The following KATNIP variants were observed in gnomAD, a reference collection of about 807,000 sequenced individuals.
KATNIP encodes the protein katanin interacting protein, also known as katanin-interacting protein.
KATNIP carries 126 observed loss-of-function variants against 174.0 expected under a neutral mutation model. The observed-to-expected ratio is 0.72, with a 90% CI of 0.63 to 0.84. The LOEUF is 0.84. KATNIP is among the 40% of genes least tolerant of loss of function. The pLI is 0.00. For missense variants in KATNIP, 1,958 were observed against 2,109.7 expected (o/e 0.93, Z 1.41); for synonymous variants, 810 against 835.7 (o/e 0.97, Z 0.53).
At chr16:27,731,370 G>A (rs527327462) in intron 14 of KATNIP, among the ~76,000 whole-genome samples, 54 of 152,278 alleles carry the variant, frequency 3.5e-4, no homozygotes, top group African/African-American at 1.3e-3. Flanking sequence ...ATACATTTAG[G>A]TGCAGTACAT....
intron 2 of KATNIP, among the ~76,000 whole-genome samples, chr16:27,616,532 G>A (rs964094070): frequency 2.0e-5 from 3 of 151,864 alleles, no homozygotes; most frequent in African/African-American, 7.3e-5. Context: ...TAAGAGACCA[G>A]CCTGGCCAAC....
chr16:27,634,960 A>T (rs1010143496), intron 5 of KATNIP, among the ~76,000 whole-genome samples: 1 of 152,176 alleles, frequency 6.6e-6, no homozygotes, highest in South Asian at 2.1e-4. Context: ...GTTTTGGAGT[A>T]GGCTGATGTG....
intron 6 of KATNIP, among the ~76,000 whole-genome samples, chr16:27,665,289 G>A (rs538656040): frequency 2.0e-5 from 3 of 151,836 alleles, no homozygotes; most frequent in Non-Finnish European, 2.9e-5. Context: ...ATTTTTAGTA[G>A]AGATGGGGTT....
rs552465434 is a variant in KATNIP at position 27,719,561 on chromosome 16, A to G, written c.1606-1997A>G. Among the ~76,000 whole-genome samples the G allele has an allele frequency of 6.6e-5, 10 of 151,228 alleles. No homozygotes were observed. The South Asian group carries it at 2.1e-3, about 32-fold the overall frequency. ...AAATTTTGTATTTTTTTTTTCTTTT[A>G]GTAGAGACGGGGTTTCACTACGTTG... is the stretch of plus-strand genomic sequence containing the variant. On this transcript the variant is annotated intron_variant, in intron 13 of 27. Transcript: ENST00000261588.
chr16:27,657,842 G>A lies in KATNIP; in HGVS notation c.540+9107G>A, dbSNP rs571661401. Reference sequence around the variant, plus strand: ...GGAGAATTGCTTGATCCCGGGAGTCGGAGGTTGCAGTGAGCCGAGATCATG... The same window carrying A: ...GGAGAATTGCTTGATCCCGGGAGTCAGAGGTTGCAGTGAGCCGAGATCATG... On this transcript the variant is annotated intron_variant, in intron 6 of 27. Coordinates refer to ENST00000261588, the MANE Select transcript of KATNIP (RefSeq NM_015202.5). Among the ~76,000 whole-genome samples the A allele has an allele frequency of 7.3e-4, 111 of 152,234 alleles. 1 individual carries two copies. The highest frequency in any genetic ancestry group is 2.4e-3 in the African/African-American group (100 of 41,534).
chr16:27,710,618 C>T (rs1256949647), intron 13 of KATNIP, among the ~76,000 whole-genome samples: 2 of 152,132 alleles, frequency 1.3e-5, no homozygotes, highest in African/African-American at 4.8e-5. Flanking sequence ...CCTCCTGCCT[C>T]AGCCTCCTAA....
intron 1 of KATNIP, among the ~76,000 whole-genome samples, chr16:27,570,739 C>G (rs1005132151): frequency 6.6e-6 from 1 of 152,060 alleles, no homozygotes; most frequent in Non-Finnish European, 1.5e-5. Flanking sequence ...AACTCGCCAC[C>G]GTGAAGTCAT....
intron 1 of KATNIP, 89 bp downstream of exon 1, chr16:27,550,266 C>A: frequency 1.4e-6 from 2 of 1,421,398 alleles, no homozygotes; most frequent in South Asian, 1.3e-5. Flanking sequence ...AGGCCATGAA[C>A]CCCTGGACCA....
chr16:27,678,271 G>A (rs1241112347), intron 7 of KATNIP, among the ~76,000 whole-genome samples: 1 of 152,144 alleles, frequency 6.6e-6, no homozygotes, highest in Admixed American at 6.5e-5. Flanking sequence ...CATACCAGTT[G>A]GCTAATACAG....
intron 13 of KATNIP, among the ~76,000 whole-genome samples, chr16:27,713,811 T>TAC (rs2079770198): frequency 1.1e-4 from 1 of 8,716 alleles, no homozygotes; most frequent in African/African-American, 6.2e-4. Context: ...TGTATATACA[T>TAC]ATATATATAT....
chr16:27,671,052 G>T (rs1444019048), intron 6 of KATNIP, among the ~76,000 whole-genome samples: 3 of 152,080 alleles, frequency 2.0e-5, no homozygotes, highest in Non-Finnish European at 4.4e-5. Flanking sequence ...AATTACTCAG[G>T]CATGGTGGTG....
In KATNIP at chr16:27,646,611, G is replaced by C. The variant is rs74019409; in HGVS notation, c.409-1993G>C. Among the ~76,000 whole-genome samples, 385 of 152,280 alleles carry C rather than the reference G, an allele frequency of 2.5e-3. 2 individuals carry two copies. Among genetic ancestry groups the C allele is most frequent in the African/African-American group, 8.8e-3 (366 of 41,554 alleles). ...ATCCTCGCAGCCCCAGAAGCCCTTTGTTTGGCCTAATTATCAGGTGTGTGG... is the reference window on the plus strand; with the variant it reads ...ATCCTCGCAGCCCCAGAAGCCCTTTCTTTGGCCTAATTATCAGGTGTGTGG... On this transcript the variant is annotated intron_variant, in intron 5 of 27. Coordinates refer to ENST00000261588, the MANE Select transcript of KATNIP (RefSeq NM_015202.5).
chr16:27,712,381 C>G (rs1330358518), intron 13 of KATNIP, among the ~76,000 whole-genome samples: 1 of 152,132 alleles, frequency 6.6e-6, no homozygotes, highest in East Asian at 1.9e-4. Context: ...CGTGTGGCAG[C>G]CACAGCCTGG....
chr16:27,737,744 C>T (rs537573348), intron 14 of KATNIP, among the ~76,000 whole-genome samples: 205 of 152,232 alleles, frequency 1.3e-3, no homozygotes, highest in Non-Finnish European at 2.4e-3. Context: ...CGAGTACTGC[C>T]GAGCCGCCAC....
At chr16:27,750,595 ATT>A (rs572859532) in intron 16 of KATNIP, among the ~76,000 whole-genome samples, 28 of 103,460 alleles carry the variant, frequency 2.7e-4, no homozygotes, top group East Asian at 5.7e-4. Context: ...AATTTTTTGT[ATT>A]TTTTTTTTTT....
intron 3 of KATNIP, among the ~76,000 whole-genome samples, chr16:27,622,337 T>C (rs967640448): frequency 1.3e-5 from 2 of 152,058 alleles, no homozygotes; most frequent in African/African-American, 4.8e-5. Flanking sequence ...GGACAGAGTC[T>C]GGAGATGTGA....
chr16:27,596,432 G>A (rs2075338790), intron 2 of KATNIP, among the ~76,000 whole-genome samples: 1 of 152,148 alleles, frequency 6.6e-6, no homozygotes, highest in African/African-American at 2.4e-5. Context: ...CAGGAATTCA[G>A]CTTAAAACCT....
intron 6 of KATNIP, among the ~76,000 whole-genome samples, chr16:27,653,265 G>A (rs1318483144): frequency 2.6e-5 from 4 of 152,214 alleles, no homozygotes; most frequent in African/African-American, 4.8e-5. Context: ...CCACCCTGAA[G>A]TCTTCTGGAA....
At chr16:27,711,963 G>A (rs938906060) in intron 13 of KATNIP, among the ~76,000 whole-genome samples, 7 of 152,144 alleles carry the variant, frequency 4.6e-5, no homozygotes, top group African/African-American at 1.7e-4. Flanking sequence ...TTGCTGCTGG[G>A]ACTTGGCCCA....
Sources: gnomAD v4.1 joint callset for allele counts (sites outside exome capture counted in the v4.1 genomes callset) on GRCh38, gnomAD v4.1.1 for gene constraint, MANE v1.5 for transcripts, NCBI Gene and HGNC (gene_info 2026-07-23, HGNC 2026-07-21) for gene names.